Variants in BABAM2 observed in about 807,000 individuals in gnomAD.
BABAM2 encodes the protein BRISC and BRCA1 A complex member 2, also known as BRISC and BRCA1-A complex member 2.
Under a neutral mutation model 54.7 loss-of-function variants are expected in BABAM2, and 31 were observed. That is an observed-to-expected ratio of 0.57 (90% CI 0.43 to 0.77). BABAM2 has a LOEUF of 0.77. Ranked by LOEUF, BABAM2 falls within the 30% of genes least tolerant of loss-of-function variation. The pLI, the probability that BABAM2 is intolerant of heterozygous loss-of-function variation, is 0.00. For synonymous variants in BABAM2, 167 were observed against 162.9 expected (o/e 1.03, Z -0.19); for missense variants, 364 against 455.8 (o/e 0.80, Z 1.83).
chr2:28,265,734 A>G (rs957693601), intron 10 of BABAM2, among the ~76,000 whole-genome samples: 2 of 152,190 alleles, frequency 1.3e-5, no homozygotes, highest in African/African-American at 4.8e-5. Context: ...AACAAAAAGT[A>G]GTTGCCCCTC....
intron 7 of BABAM2, among the ~76,000 whole-genome samples, chr2:28,171,480 G>C (rs1674317709): frequency 6.6e-6 from 1 of 152,220 alleles, no homozygotes; most frequent in South Asian, 2.1e-4. Context: ...ATCAGTCCCT[G>C]AATGGTGCCT....
intron 10 of BABAM2, among the ~76,000 whole-genome samples, chr2:28,266,044 G>A (rs549169799): frequency 2.8e-4 from 42 of 151,944 alleles, no homozygotes; most frequent in Non-Finnish European, 5.6e-4. Flanking sequence ...GAGAGCAATG[G>A]CACTATCTTG....
At chr2:28,183,447 A>C (rs1209236844) in intron 7 of BABAM2, among the ~76,000 whole-genome samples, 3 of 152,200 alleles carry the variant, frequency 2.0e-5, no homozygotes, top group South Asian at 2.1e-4. Flanking sequence ...TCTCCAAAAA[A>C]AAATTTACAA....
At chr2:28,115,655 GATAA>G in intron 6 of BABAM2, among the ~76,000 whole-genome samples, 1 of 151,594 alleles carries the variant, frequency 6.6e-6, no homozygotes, top group South Asian at 2.1e-4. Flanking sequence ...TAAATAAATA[GATAA>G]ATAAAAAAAA....
rs1050581858 is a variant in BABAM2 at position 28,022,331 on chromosome 2, A to G, written c.301-2895A>G. 5.9e-5 allele frequency among the ~76,000 whole-genome samples: 9 copies of G among 152,348 alleles called. No homozygotes were observed. The South Asian group carries it at 1.9e-3, about 32-fold the overall frequency. ...ATATTTTAGTTAACTGATTGGAGGAAGAGTAGGCAGATTTACATTCTACAC... is the reference window on the plus strand; with the variant it reads ...ATATTTTAGTTAACTGATTGGAGGAGGAGTAGGCAGATTTACATTCTACAC... On this transcript the variant is annotated intron_variant, in intron 4 of 11. Coordinates refer to ENST00000379624, the MANE Select transcript of BABAM2 (RefSeq NM_199191.3).
chr2:28,024,085 G>A (rs1240448107), intron 4 of BABAM2, among the ~76,000 whole-genome samples: 1 of 151,896 alleles, frequency 6.6e-6, no homozygotes, highest in African/African-American at 2.4e-5. Context: ...CACATACTCA[G>A]TTAAAAAAAC....
chr2:27,961,072 A>G, intron 3 of BABAM2, among the ~76,000 whole-genome samples: 1 of 152,130 alleles, frequency 6.6e-6, no homozygotes, highest in East Asian at 1.9e-4. Context: ...ACACTTTAGG[A>G]GTAACAACTT....
chr2:28,311,028 G>A (rs1689036924), intron 11 of BABAM2, among the ~76,000 whole-genome samples: 2 of 152,168 alleles, frequency 1.3e-5, no homozygotes, highest in South Asian at 4.1e-4. Context: ...TTGGGAGGCC[G>A]AGGCAGGCGG....
At chr2:28,084,449 T>C (rs1308536816) in intron 6 of BABAM2, among the ~76,000 whole-genome samples, 1 of 152,124 alleles carries the variant, frequency 6.6e-6, no homozygotes, top group Non-Finnish European at 1.5e-5. Context: ...TTTGTGTGTG[T>C]GTATGGAGTT....
rs1297907144 is a variant in BABAM2 at position 28,244,679 on chromosome 2, C to A, written c.852-101C>A. On this transcript the variant is annotated intron_variant, in intron 9 of 11. Coordinates refer to ENST00000379624, the MANE Select transcript of BABAM2 (RefSeq NM_199191.3). Reference sequence around the variant, plus strand: ...CTTAAACCCATCTCAAAGTCAATAACCCTGACTTCACGAATATATTCTTTA... The same window carrying A: ...CTTAAACCCATCTCAAAGTCAATAAACCTGACTTCACGAATATATTCTTTA... 4.5e-6 allele frequency: 5 copies of A among 1,110,588 alleles called. No individual in the cohort carries two copies. The East Asian group carries it at 1.2e-4, about 27-fold the overall frequency. 68.8% of individuals were successfully genotyped at this position (1,110,588 alleles called of 1,614,324 possible).
chr2:28,072,573 G>A (rs1000007139), intron 6 of BABAM2, among the ~76,000 whole-genome samples: 16 of 152,124 alleles, frequency 1.1e-4, no homozygotes, highest in Non-Finnish European at 4.4e-5. Flanking sequence ...TTTTAGTAGA[G>A]ACGGGGTTTC....
At chr2:28,016,341 G>C (rs1416263253) in intron 4 of BABAM2, 3 of 1,192,768 alleles carry the variant, frequency 2.5e-6, no homozygotes, top group Middle Eastern at 1.9e-4. Flanking sequence ...TTCTTTTCTA[G>C]TTGCTCTTTT....
chr2:28,228,328 T>C (rs145177345), intron 7 of BABAM2, among the ~76,000 whole-genome samples: 205 of 152,330 alleles, frequency 1.3e-3, no homozygotes, highest in Non-Finnish European at 2.6e-3. Flanking sequence ...GCAGAAGGCT[T>C]TTTTCTTGTT....
chr2:28,003,479 A>G (rs1394173963), intron 4 of BABAM2, among the ~76,000 whole-genome samples: 1 of 152,140 alleles, frequency 6.6e-6, no homozygotes, highest in South Asian at 2.1e-4. Flanking sequence ...TAATTGCACT[A>G]CTTGGGAGGC....
chr2:28,026,878 A>G (rs1368380396), intron 5 of BABAM2, among the ~76,000 whole-genome samples: 1 of 57,488 alleles, frequency 1.7e-5, no homozygotes, highest in African/African-American at 7.3e-5. Context: ...ATATATTTAT[A>G]TATATATAGA....
chr2:28,128,820 GAT>G (rs1314303550), intron 6 of BABAM2, among the ~76,000 whole-genome samples: 1 of 152,128 alleles, frequency 6.6e-6, no homozygotes, highest in Non-Finnish European at 1.5e-5. Context: ...TCTTCATGGT[GAT>G]ATGTTTCCTG....
intron 10 of BABAM2, among the ~76,000 whole-genome samples, chr2:28,271,061 C>A (rs541804245): frequency 6.6e-6 from 1 of 152,110 alleles, no homozygotes; most frequent in African/African-American, 2.4e-5. Context: ...AAGGCTATAG[C>A]GTGTCTTATT....
intron 10 of BABAM2, 67 bp downstream of exon 10, chr2:28,244,929 T>G: frequency 7.3e-7 from 1 of 1,368,894 alleles, no homozygotes; most frequent in East Asian, 2.3e-5. Context: ...CATGTAATAA[T>G]CAGTACTAGA....
At chr2:27,904,073 G>A (rs1211099342) in intron 2 of BABAM2, among the ~76,000 whole-genome samples, 3 of 152,188 alleles carry the variant, frequency 2.0e-5, no homozygotes, top group Non-Finnish European at 2.9e-5. Flanking sequence ...TGACTAACGG[G>A]TGGGTAGTGT....
Sources: gnomAD v4.1 joint callset for allele counts (sites outside exome capture counted in the v4.1 genomes callset) on GRCh38, gnomAD v4.1.1 for gene constraint, MANE v1.5 for transcripts, NCBI Gene and HGNC (gene_info 2026-07-23, HGNC 2026-07-21) for gene names.